The following METTL8 variants were observed in gnomAD, a reference collection of about 807,000 sequenced individuals.
METTL8 encodes methyltransferase 8, tRNA N3-cytidine, also known as tRNA N(3)-cytidine methyltransferase METTL8, mitochondrial.
Under a neutral mutation model 48.7 loss-of-function variants are expected in METTL8, and 32 were observed. The observed-to-expected ratio is 0.66, with a 90% CI of 0.50 to 0.88. The LOEUF is 0.88. Ranked by LOEUF, METTL8 falls within the 40% of genes least tolerant of loss-of-function variation. METTL8 has a pLI of 0.00. For missense variants in METTL8, 464 were observed against 474.4 expected (o/e 0.98, Z 0.20); for synonymous variants, 136 against 157.1 (o/e 0.87, Z 1.01).
rs554273508 is a variant in METTL8 at position 171,317,042 on chromosome 2, C to T, written c.*7130G>A. On this transcript the variant is annotated 3_prime_UTR_variant, in exon 10 of 10. Coordinates refer to ENST00000375258, the MANE Select transcript of METTL8 (RefSeq NM_001321154.2). ...GGTGAGAGAAATGAGGCAGCAATTA[C>T]ATAGTGTTGCTTGTGCTAAGTACAG... Among the ~76,000 whole-genome samples, 12 of 152,340 alleles carry T rather than the reference C, an allele frequency of 7.9e-5. No homozygotes were observed. The South Asian group carries it at 1.7e-3, about 21-fold the overall frequency.
intron 1 of METTL8, among the ~76,000 whole-genome samples, chr2:171,419,068 G>A (rs994207828): frequency 5.4e-5 from 8 of 148,928 alleles, no homozygotes; most frequent in African/African-American, 2.0e-4. Context: ...TATTCCTTTT[G>A]ACATAGTTCC....
chr2:171,351,316 G>T (rs538802743), intron 3 of METTL8, among the ~76,000 whole-genome samples: 4 of 152,042 alleles, frequency 2.6e-5, no homozygotes, highest in Non-Finnish European at 4.4e-5. Flanking sequence ...TGTTCCATTG[G>T]TCTATATCTC....
chr2:171,421,338 C>T (rs1304053494), intron 1 of METTL8, among the ~76,000 whole-genome samples: 2 of 152,128 alleles, frequency 1.3e-5, no homozygotes, highest in Non-Finnish European at 2.9e-5. Flanking sequence ...ACTCAGGAGG[C>T]TGAGGCAGGA....
intron 2 of METTL8, among the ~76,000 whole-genome samples, chr2:171,365,849 A>G (rs1466816552): frequency 6.6e-6 from 1 of 152,190 alleles, no homozygotes; most frequent in Non-Finnish European, 1.5e-5. Flanking sequence ...TGCAAGACTG[A>G]TCCTTAAGAG....
chr2:171,366,169 G>A (rs1235452339), intron 2 of METTL8, among the ~76,000 whole-genome samples: 1 of 152,184 alleles, frequency 6.6e-6, no homozygotes, highest in East Asian at 1.9e-4. Flanking sequence ...AATGAGGATG[G>A]AGAAGAGAGA....
At chr2:171,368,422 C>T (rs1478641220) in intron 2 of METTL8, among the ~76,000 whole-genome samples, 1 of 152,050 alleles carries the variant, frequency 6.6e-6, no homozygotes, top group Non-Finnish European at 1.5e-5. Context: ...CAAAATGAGC[C>T]TATCACATTA....
Position 171,321,879 on chromosome 2 carries a change from G to A in METTL8, c.*2293C>T, listed in dbSNP as rs748495736. 3 of 152,070 alleles carry A rather than the reference G, an allele frequency of 2.0e-5. No homozygotes were observed. The highest frequency in any genetic ancestry group is 4.4e-5 in the Non-Finnish European group (3 of 68,030). 9.4% of individuals were successfully genotyped at this position (152,070 alleles called of 1,614,324 possible). ...TCAATAAATATTATGTAATGAGTAT[G>A]AGACTAATCTTAAAAACTTCATTTC... On this transcript the variant is annotated 3_prime_UTR_variant, in exon 10 of 10. Coordinates refer to ENST00000375258, the MANE Select transcript of METTL8 (RefSeq NM_001321154.2).
intron 1 of METTL8, among the ~76,000 whole-genome samples, chr2:171,415,206 C>T (rs936262936): frequency 2.0e-5 from 3 of 151,886 alleles, no homozygotes; most frequent in Non-Finnish European, 2.9e-5. Flanking sequence ...ATTTATAGTA[C>T]GGTCTCATCT....
chr2:171,413,872 AG>A (rs1326528859), intron 1 of METTL8, among the ~76,000 whole-genome samples: 4 of 152,208 alleles, frequency 2.6e-5, no homozygotes, highest in African/African-American at 9.7e-5. Flanking sequence ...TGGCAAACTG[AG>A]GGGGCACTGA....
In METTL8 at chr2:171,392,145, A is replaced by G. The variant is rs1421996953; in HGVS notation, c.41T>C (p.Leu14Pro). The change falls in exon 2 of 10, where the codon CTA (leucine) becomes CCA (proline). Residue 14 changes from leucine (L) to proline (P), a missense_variant. Physicochemically the swap from Leu to Pro is moderately conservative, Grantham distance 98. Coordinates refer to ENST00000375258, the MANE Select transcript of METTL8 (RefSeq NM_001321154.2). The part of the protein sequence containing the change: ...IWRNSISCLR[L>P]GKVPHRYQSG... ...TTGGTATCTGTGTGGCACCTTTCCT[A>G]GCCTTAGACAAGAAATGGAATTTCT... is the stretch of plus-strand genomic sequence containing the variant. The G allele has an allele frequency of 6.4e-7, 1 of 1,551,492 alleles. No homozygotes were observed. Among genetic ancestry groups the G allele is most frequent in the African/African-American group, 1.4e-5 (1 of 73,046 alleles).
At chr2:171,424,225 G>C (rs1423919301) in intron 1 of METTL8, among the ~76,000 whole-genome samples, 1 of 152,212 alleles carries the variant, frequency 6.6e-6, no homozygotes. Context: ...TGCTGCATGG[G>C]TGGAGCCCTC....
At chr2:171,374,450 A>G (rs1475141173) in intron 2 of METTL8, among the ~76,000 whole-genome samples, 3 of 152,176 alleles carry the variant, frequency 2.0e-5, no homozygotes, top group Non-Finnish European at 4.4e-5. Flanking sequence ...TAACTGCTAC[A>G]TTATTTTCCA....
At chr2:171,359,014 G>T (rs1684875521) in intron 3 of METTL8, among the ~76,000 whole-genome samples, 1 of 151,782 alleles carries the variant, frequency 6.6e-6, no homozygotes, top group African/African-American at 2.4e-5. Context: ...GCAAGGTTGG[G>T]GCAGTGGCTC....
At chr2:171,336,396 CTTTTTTTT>C (rs146097512) in intron 5 of METTL8, among the ~76,000 whole-genome samples, 2 of 80,782 alleles carry the variant, frequency 2.5e-5, no homozygotes, top group South Asian at 4.8e-4. Flanking sequence ...CGCCCGACTG[CTTTTTTTT>C]TTTTTTTTTT....
intron 1 of METTL8, among the ~76,000 whole-genome samples, chr2:171,417,378 A>C (rs903033490): frequency 7.2e-5 from 11 of 152,242 alleles, no homozygotes; most frequent in African/African-American, 2.4e-5. Context: ...CATAATCACC[A>C]AAACTAAAGA....
intron 3 of METTL8, among the ~76,000 whole-genome samples, 187 bp from the exon 4 acceptor site, chr2:171,339,741 CTCAAAATGTG>C (rs1314590223): frequency 6.6e-6 from 1 of 152,118 alleles, no homozygotes; most frequent in Non-Finnish European, 1.5e-5. Flanking sequence ...CTTTAATTCT[CTCAAAATGTG>C]TCAAAATGTG....
chr2:171,370,211 T>C (rs11674632), intron 2 of METTL8, among the ~76,000 whole-genome samples: 33,856 of 152,108 alleles, frequency 0.22, 4,075 homozygotes, highest in Non-Finnish European at 0.27. Flanking sequence ...GGTGTTATCT[T>C]AAGTTTCTTT....
intron 2 of METTL8, among the ~76,000 whole-genome samples, chr2:171,373,312 C>T (rs1001108672): frequency 3.9e-5 from 6 of 152,146 alleles, no homozygotes; most frequent in African/African-American, 7.2e-5. Flanking sequence ...ATATCCTTTG[C>T]CCACTTTTTG....
chr2:171,421,821 G>C (rs560157869), intron 1 of METTL8, among the ~76,000 whole-genome samples: 3 of 152,002 alleles, frequency 2.0e-5, no homozygotes, highest in African/African-American at 4.8e-5. Flanking sequence ...TGGTATATGC[G>C]GGCATCCTGG....
Sources: gnomAD v4.1 joint callset for allele counts (sites outside exome capture counted in the v4.1 genomes callset) on GRCh38, gnomAD v4.1.1 for gene constraint, MANE v1.5 for transcripts, NCBI Gene and HGNC (gene_info 2026-07-23, HGNC 2026-07-21) for gene names.